Variants in DPYD observed in about 807,000 individuals in gnomAD.
DPYD encodes the protein dihydropyrimidine dehydrogenase.
DPYD carries 109 observed loss-of-function variants against 116.2 expected under a neutral mutation model. The observed-to-expected ratio is 0.94, with a 90% CI of 0.80 to 1.10. DPYD has a LOEUF of 1.10. Ranked by LOEUF, DPYD falls within the 50% of genes least tolerant of loss-of-function variation. DPYD has a pLI of 0.00. For missense variants in DPYD, 1,302 were observed against 1,254.5 expected, an observed-to-expected ratio of 1.04 and a Z score of -0.57; for synonymous variants, 440 against 432.0, an observed-to-expected ratio of 1.02 and a Z score of -0.23.
chr1:97,921,035 A>G, upstream of DPYD: 4 of 1,372,554 alleles, frequency 2.9e-6, no homozygotes, highest in East Asian at 2.7e-5. Context: ...CAGGCAGACT[A>G]GGGCCGGCGG....
intron 20 of DPYD, among the ~76,000 whole-genome samples, chr1:97,183,744 A>C (rs1657802444): frequency 6.6e-6 from 1 of 152,102 alleles, no homozygotes; most frequent in South Asian, 2.1e-4. Flanking sequence ...AGTCTTCTTT[A>C]ATTTTTCTTC....
chr1:97,598,199 C>G (rs1368534386), intron 8 of DPYD, among the ~76,000 whole-genome samples: 3 of 151,552 alleles, frequency 2.0e-5, no homozygotes, highest in African/African-American at 4.8e-5. Context: ...TCAAGTTCCA[C>G]AAAGAAAGAA....
At chr1:97,707,008 A>G (rs1196554561) in intron 5 of DPYD, among the ~76,000 whole-genome samples, 1 of 152,056 alleles carries the variant, frequency 6.6e-6, no homozygotes, top group East Asian at 1.9e-4. Flanking sequence ...GCATTTGGTG[A>G]TATCAGTGTT....
intron 3 of DPYD, among the ~76,000 whole-genome samples, chr1:97,776,775 G>A (rs970955731): frequency 6.6e-6 from 1 of 152,096 alleles, no homozygotes; most frequent in Non-Finnish European, 1.5e-5. Flanking sequence ...CTACGTTTTG[G>A]AGCACAACAA....
intron 2 of DPYD, among the ~76,000 whole-genome samples, chr1:97,879,717 C>T (rs1672096710): frequency 6.6e-6 from 1 of 151,782 alleles, no homozygotes; most frequent in African/African-American, 2.4e-5. Context: ...GCACTTTTAC[C>T]GGTCAAACAC....
intron 8 of DPYD, among the ~76,000 whole-genome samples, chr1:97,651,818 T>C (rs537131280): frequency 1.3e-5 from 2 of 152,144 alleles, no homozygotes; most frequent in Non-Finnish European, 2.9e-5. Flanking sequence ...ATTTATAACA[T>C]AAGCTCTTTT....
At chr1:97,525,760 G>GAGAA (rs1161210911) in intron 12 of DPYD, among the ~76,000 whole-genome samples, 2 of 134,330 alleles carry the variant, frequency 1.5e-5, no homozygotes, top group African/African-American at 5.6e-5. Flanking sequence ...TGGGTAATTA[G>GAGAA]AGAGAGAGAG....
At chr1:97,656,774 C>T (rs1309552289) in intron 8 of DPYD, among the ~76,000 whole-genome samples, 3 of 150,922 alleles carry the variant, frequency 2.0e-5, no homozygotes, top group Admixed American at 6.6e-5. Flanking sequence ...GAATTTCCAT[C>T]GATAAATTGT....
At chr1:97,731,213 A>G (rs1663589854) in intron 4 of DPYD, among the ~76,000 whole-genome samples, 1 of 152,058 alleles carries the variant, frequency 6.6e-6, no homozygotes, top group Non-Finnish European at 1.5e-5. Flanking sequence ...TTTATTGACG[A>G]GAATATGAGC....
intron 19 of DPYD, among the ~76,000 whole-genome samples, chr1:97,212,574 G>A (rs971554711): frequency 6.6e-6 from 1 of 152,008 alleles, no homozygotes; most frequent in Non-Finnish European, 1.5e-5. Context: ...TTATTTGTCT[G>A]AGATAGATGA....
At chr1:97,085,975 A>G (rs1649483828) in intron 21 of DPYD, among the ~76,000 whole-genome samples, 1 of 152,238 alleles carries the variant, frequency 6.6e-6, no homozygotes, top group African/African-American at 2.4e-5. Flanking sequence ...TGGATGTTGC[A>G]AAGTACTACA....
intron 11 of DPYD, among the ~76,000 whole-genome samples, chr1:97,562,046 A>T (rs1652188585): frequency 6.6e-6 from 1 of 152,208 alleles, no homozygotes; most frequent in Non-Finnish European, 1.5e-5. Context: ...GGGACAATGT[A>T]TTCATTTTTG....
At chr1:97,643,868 G>C (rs190724871) in intron 8 of DPYD, among the ~76,000 whole-genome samples, 8 of 152,144 alleles carry the variant, frequency 5.3e-5, no homozygotes, top group Admixed American at 2.0e-4. Context: ...TCACTCATAA[G>C]TGGGAGTTGA....
At chr1:97,709,017 G>A (rs532176101) in intron 5 of DPYD, among the ~76,000 whole-genome samples, 2 of 151,870 alleles carry the variant, frequency 1.3e-5, no homozygotes, top group South Asian at 2.1e-4. Context: ...ATTAGTTCCA[G>A]GAGTTTTTCT....
intron 8 of DPYD, among the ~76,000 whole-genome samples, chr1:97,664,119 T>C (rs1231301235): frequency 6.6e-6 from 1 of 152,194 alleles, no homozygotes; most frequent in African/African-American, 2.4e-5. Context: ...AATGAAGTTA[T>C]ATAAGCATTA....
chr1:97,615,497 C>T (rs1277762267), intron 8 of DPYD, among the ~76,000 whole-genome samples: 2 of 152,064 alleles, frequency 1.3e-5, no homozygotes, highest in Non-Finnish European at 2.9e-5. Flanking sequence ...CAGAACCATC[C>T]TACACAACTC....
chr1:97,439,360 T>C (rs575073121), intron 14 of DPYD, among the ~76,000 whole-genome samples: 18 of 152,300 alleles, frequency 1.2e-4, no homozygotes, highest in African/African-American at 4.3e-4. Flanking sequence ...CTAAGTAGTT[T>C]AGCGAATCTA....
rs150968011 is a variant in DPYD at position 97,450,828 on chromosome 1, G to A, written c.1741-605C>T. 5.9e-5 allele frequency among the ~76,000 whole-genome samples: 9 copies of A among 152,076 alleles called. No individual in the cohort carries two copies. The East Asian group carries it at 1.5e-3, about 26-fold the overall frequency. On this transcript the variant is annotated intron_variant, in intron 13 of 22. Coordinates refer to ENST00000370192, the MANE Select transcript of DPYD (RefSeq NM_000110.4). ...GTCACTTTCTCCAAGACTGAAATGA[G>A]TATATCAATAACTTCCTGATACCTA...
At chr1:97,172,308 A>G (rs1557910353) in intron 20 of DPYD, among the ~76,000 whole-genome samples, 1 of 152,200 alleles carries the variant, frequency 6.6e-6, no homozygotes, top group Admixed American at 6.5e-5. Context: ...CCTTCAAGTA[A>G]TAAAATACTT....
Sources: gnomAD v4.1 joint callset for allele counts (sites outside exome capture counted in the v4.1 genomes callset) on GRCh38, gnomAD v4.1.1 for gene constraint, MANE v1.5 for transcripts, NCBI Gene and HGNC (gene_info 2026-07-23, HGNC 2026-07-21) for gene names.